The following LRP11 variants were observed in gnomAD, a reference collection of about 807,000 sequenced individuals.
LRP11 encodes LDL receptor related protein 11.
Under a neutral mutation model 43.1 loss-of-function variants are expected in LRP11, and 25 were observed. The ratio of observed to expected loss-of-function variants is 0.58; its 90% CI spans 0.42 to 0.81. The LOEUF (loss-of-function observed/expected upper bound fraction) is 0.81, where lower values mean the gene tolerates loss of function less well. LRP11 is among the 30% of genes least tolerant of loss of function. The pLI is 0.00. For synonymous variants in LRP11, 316 were observed against 299.4 expected, an observed-to-expected ratio of 1.06 and a Z score of -0.57; for missense variants, 623 against 665.1, an observed-to-expected ratio of 0.94 and a Z score of 0.70.
At chr6:149,851,353 T>C (rs1776716471) in intron 2 of LRP11, among the ~76,000 whole-genome samples, 1 of 152,120 alleles carries the variant, frequency 6.6e-6, no homozygotes, top group Non-Finnish European at 1.5e-5. Context: ...TTAGGGGTAT[T>C]AGATGTTAAG....
rs766774892 is a variant in LRP11 at position 149,836,231 on chromosome 6, G to C, written c.1106C>G (p.Pro369Arg). ...ASPALPRTTG[P>R]SEDAGGDSLV... ...GGAGTCACCCCCTGCATCTTCACTC[G>C]GCCCTGTGGTTCTTGGCAGGGCAGG... The change falls in exon 5 of 7, where the codon CCG becomes CGG. Residue 369 changes from proline (P) to arginine (R), a missense_variant. Transcript: ENST00000239367. 4 of 1,614,104 alleles carry C rather than the reference G, an allele frequency of 2.5e-6. No individual in the cohort carries two copies. In the Admixed American group the frequency reaches 5.0e-5, roughly 20 times the overall value.
At position 149,864,037 on chromosome 6, in the gene LRP11, G is replaced by A; in HGVS notation, c.-17C>T. 2 of 1,313,602 alleles carry A rather than the reference G, an allele frequency of 1.5e-6. No homozygotes were observed. The highest frequency in any genetic ancestry group is 4.2e-5 in the Admixed American group (1 of 23,788). 81.4% of individuals were successfully genotyped at this position (1,313,602 alleles called of 1,614,324 possible). ...GGAGGCCATGGCGACGAGAGCCAAG[G>A]GCAGCGAGCCGAGGCGGGGCTGAGC... On this transcript the variant is annotated 5_prime_UTR_variant, in exon 1 of 7. Coordinates refer to ENST00000239367, the MANE Select transcript of LRP11 (RefSeq NM_032832.6).
At chr6:149,837,153 T>A (rs886789836) in intron 4 of LRP11, among the ~76,000 whole-genome samples, 185 bp downstream of exon 4, 3 of 152,108 alleles carry the variant, frequency 2.0e-5, no homozygotes, top group African/African-American at 7.2e-5. Flanking sequence ...TACTAAAAAT[T>A]TGACATTTGA....
intron 1 of LRP11, among the ~76,000 whole-genome samples, chr6:149,854,649 G>A (rs2115413984): frequency 6.6e-6 from 1 of 152,350 alleles, no homozygotes; most frequent in East Asian, 1.9e-4. Flanking sequence ...ACAGGTTTGT[G>A]TACCACGCCC....
chr6:149,848,036 C>T (rs776291475), intron 2 of LRP11, among the ~76,000 whole-genome samples: 3 of 152,106 alleles, frequency 2.0e-5, no homozygotes, highest in Non-Finnish European at 4.4e-5. Flanking sequence ...GTGTGGTTTT[C>T]TGAAGTCACT....
intron 1 of LRP11, among the ~76,000 whole-genome samples, chr6:149,862,577 C>CTTTTTTTTTTTTT (rs10553273): frequency 4.8e-5 from 6 of 126,202 alleles, no homozygotes; most frequent in African/African-American, 1.8e-4. Context: ...TTTTCTTTTC[C>CTTTTTTTTTTTTT]TTTTTTTTTT....
chr6:149,858,539 A>G (rs895192284), intron 1 of LRP11, among the ~76,000 whole-genome samples: 11 of 152,220 alleles, frequency 7.2e-5, no homozygotes, highest in Admixed American at 2.0e-4. Context: ...AGCATGATTT[A>G]TAATCCTTTG....
intron 1 of LRP11, 177 bp from the exon 2 acceptor site, chr6:149,853,337 G>T: frequency 1.8e-6 from 1 of 569,682 alleles, no homozygotes; most frequent in East Asian, 3.3e-5. Flanking sequence ...TATAATATGC[G>T]CAGAAGAGGC....
chr6:149,863,954 G>C lies in LRP11; in HGVS notation c.67C>G (p.Arg23Gly). ...RRLPPRHGAL[R>G]GLLLLCLWLP... Reference sequence around the variant, plus strand: ...CACAGGCAGAGCAGTAGCAGCCCGCGCAGCGCCCCGTGACGCGGCGGTAGC... The same window carrying C: ...CACAGGCAGAGCAGTAGCAGCCCGCCCAGCGCCCCGTGACGCGGCGGTAGC... The change falls in exon 1 of 7, where the codon CGC becomes GGC. Residue 23 changes from arginine (R) to glycine (G), a missense_variant. Physicochemically the swap from Arg to Gly is moderately radical, Grantham distance 125 (BLOSUM62 -2). Coordinates refer to ENST00000239367, the MANE Select transcript of LRP11 (RefSeq NM_032832.6). The C allele has an allele frequency of 7.0e-7, 1 of 1,437,604 alleles. No homozygotes were observed. The highest frequency in any genetic ancestry group is 1.5e-5 in the African/African-American group (1 of 67,212). The allele number at this position is 1,437,604 out of a possible 1,614,324, so 89.1% of individuals were successfully genotyped here.
chr6:149,861,007 G>A (rs1419020588), intron 1 of LRP11, among the ~76,000 whole-genome samples: 1 of 152,122 alleles, frequency 6.6e-6, no homozygotes, highest in Non-Finnish European at 1.5e-5. Context: ...AACAAATGTG[G>A]GCATGAAAAC....
chr6:149,856,506 C>T (rs1338864293), intron 1 of LRP11, among the ~76,000 whole-genome samples: 2 of 152,126 alleles, frequency 1.3e-5, no homozygotes, highest in Non-Finnish European at 2.9e-5. Context: ...AAACAAATAA[C>T]AACACGAAGA....
chr6:149,826,422 G>A, intron 5 of LRP11, 63 bp from the exon 6 acceptor site: 2 of 1,168,962 alleles, frequency 1.7e-6, no homozygotes, highest in Non-Finnish European at 1.3e-6. Context: ...GGAAACAAAT[G>A]TGAAAATACA....
chr6:149,826,145 T>C, intron 6 of LRP11, 119 bp downstream of exon 6: 1 of 797,496 alleles, frequency 1.3e-6, no homozygotes, highest in Non-Finnish European at 2.3e-6. Flanking sequence ...GTTCTTTCGG[T>C]CCACTGACGG....
chr6:149,824,695 G>C (rs1327561326), intron 6 of LRP11, among the ~76,000 whole-genome samples: 1 of 151,906 alleles, frequency 6.6e-6, no homozygotes, highest in East Asian at 1.9e-4. Flanking sequence ...CCCCATCTCT[G>C]CTAAAAATAC....
chr6:149,821,122 G>T (rs984032296), intron 6 of LRP11, among the ~76,000 whole-genome samples: 2 of 151,890 alleles, frequency 1.3e-5, no homozygotes, highest in Non-Finnish European at 2.9e-5. Context: ...GTAGAGATGG[G>T]GTTTCAACAT....
intron 1 of LRP11, among the ~76,000 whole-genome samples, chr6:149,858,043 CTTTTTAA>C (rs1562447472): frequency 6.6e-6 from 1 of 152,120 alleles, no homozygotes; most frequent in African/African-American, 2.4e-5. Context: ...TCAGATACTT[CTTTTTAA>C]TTATTTTTTT....
chr6:149,836,051 G>C (rs1045188069), intron 5 of LRP11, 34 bp downstream of exon 5: 33 of 1,579,378 alleles, frequency 2.1e-5, no homozygotes, highest in Non-Finnish European at 2.8e-5. Context: ...CAGAAAACAA[G>C]GTTCTTCATT....
At chr6:149,841,585 T>G (rs1213619315) in intron 3 of LRP11, among the ~76,000 whole-genome samples, 1 of 152,202 alleles carries the variant, frequency 6.6e-6, no homozygotes, top group Non-Finnish European at 1.5e-5. Context: ...CAATGGATAT[T>G]TTAAAAAATT....
rs900568014 is a variant in LRP11 at position 149,838,512 on chromosome 6, C to T, written c.914-1049G>A. 5.3e-5 allele frequency among the ~76,000 whole-genome samples: 8 copies of T among 151,448 alleles called. No individual in the cohort carries two copies. The East Asian group carries it at 1.2e-3, about 23-fold the overall frequency. ...CATCCTGGCTAACACGGTGAAACCC[C>T]GTCTCTACTAAAAATACAAAAAATT... On this transcript the variant is annotated intron_variant, in intron 3 of 6. Coordinates refer to ENST00000239367, the MANE Select transcript of LRP11 (RefSeq NM_032832.6).
Sources: allele counts gnomAD v4.1 joint callset (sites outside exome capture counted in the v4.1 genomes callset), GRCh38; gene constraint gnomAD v4.1.1; transcripts MANE v1.5; gene names NCBI Gene and HGNC (gene_info 2026-07-23, HGNC 2026-07-21).